TENM3: variants seen among roughly 807,000 people sequenced by gnomAD.
TENM3 encodes the protein teneurin transmembrane protein 3, also known as teneurin-3.
A neutral mutation model predicts 255.1 loss-of-function variants in TENM3; 63 were observed. That is an observed-to-expected ratio of 0.25 (90% CI 0.20 to 0.30). The LOEUF (loss-of-function observed/expected upper bound fraction) is 0.30, where lower values mean the gene tolerates loss of function less well. Ranked by LOEUF, TENM3 falls within the 10% of genes least tolerant of loss-of-function variation. The pLI is 1.00. For missense variants in TENM3, 2,929 were observed against 3,461.1 expected (o/e 0.85, Z 3.86); for synonymous variants, 1,306 against 1,322.3 (o/e 0.99, Z 0.27).
At chr4:182,009,901 G>C in the TENM3 span, among the ~76,000 whole-genome samples, 1 of 151,724 alleles carries the variant, frequency 6.6e-6, no homozygotes, top group Non-Finnish European at 1.5e-5. Flanking sequence ...AGTTTCCCCA[G>C]CTGCGTAGAG....
rs143358196 is a variant in TENM3 at position 182,576,052 on chromosome 4, A to G, written c.512-24872A>G. Reference sequence around the variant, plus strand: ...TCCACTTTAAACAAGAATGCCCTCAAGCTTACTTTAGACAATGTTAAGAAA... The same window carrying G: ...TCCACTTTAAACAAGAATGCCCTCAGGCTTACTTTAGACAATGTTAAGAAA... On this transcript the variant is annotated intron_variant, in intron 3 of 27. Coordinates refer to ENST00000511685, the MANE Select transcript of TENM3 (RefSeq NM_001080477.4). Among the ~76,000 whole-genome samples the G allele has an allele frequency of 1.3e-3, 201 of 152,326 alleles. 2 individuals carry two copies. The highest frequency in any genetic ancestry group is 0.01 in the Middle Eastern group (3 of 294).
At chr4:181,888,619 GAA>G in the TENM3 span, among the ~76,000 whole-genome samples, 31 of 28,304 alleles carry the variant, frequency 1.1e-3, 1 homozygote, top group East Asian at 2.3e-3. Flanking sequence ...TGTGTGTGTG[GAA>G]AGAGAGAGAG....
the TENM3 span, among the ~76,000 whole-genome samples, chr4:182,006,547 G>A: frequency 6.6e-6 from 1 of 152,020 alleles, no homozygotes; most frequent in Non-Finnish European, 1.5e-5. Context: ...ATGGTAGTTT[G>A]TATTTCTGTG....
At chr4:182,143,346 T>TACCCC, upstream of TENM3, 1 of 166,908 alleles carries the variant, frequency 6.0e-6, no homozygotes, top group Middle Eastern at 3.4e-3. This position sits in a 1 kb window ranked among gnomAD's most constrained non-coding sequence, Gnocchi z 4.3. Context: ...TGTCCAAAGG[T>TACCCC]CATTTGCGCT....
intron 2 of TENM3, among the ~76,000 whole-genome samples, chr4:182,327,507 C>G (rs1302297845): frequency 2.6e-5 from 3 of 116,826 alleles, no homozygotes; most frequent in Non-Finnish European, 6.1e-5. Flanking sequence ...GTCTAATTAT[C>G]AAACTTGAAT....
At chr4:181,834,987 T>C in the TENM3 span, 1 of 152,126 alleles carries the variant, frequency 6.6e-6, no homozygotes, top group Non-Finnish European at 1.5e-5. Context: ...GCATTCTGCC[T>C]CAGGAAGGAC....
chr4:182,494,063 T>C (rs1323240317), intron 3 of TENM3, among the ~76,000 whole-genome samples: 1 of 152,192 alleles, frequency 6.6e-6, no homozygotes, highest in Non-Finnish European at 1.5e-5. Context: ...TTCTGCTGAT[T>C]TGCAGATGGG....
At chr4:182,104,982 C>T in the TENM3 span, among the ~76,000 whole-genome samples, 1 of 152,088 alleles carries the variant, frequency 6.6e-6, no homozygotes, top group African/African-American at 2.4e-5. Context: ...AAGGTGGAGA[C>T]AGGAGAATCA....
intron 3 of TENM3, among the ~76,000 whole-genome samples, chr4:182,544,926 A>C (rs2151905410): frequency 6.6e-6 from 1 of 152,322 alleles, no homozygotes; most frequent in Middle Eastern, 3.4e-3. Flanking sequence ...TACCTGAACA[A>C]GAGTTAGGGT....
chr4:181,570,655 A>AAAGC, the TENM3 span, among the ~76,000 whole-genome samples: 54,368 of 150,196 alleles, frequency 0.36, 9,906 homozygotes, highest in Middle Eastern at 0.47. Context: ...AGAAAGAAGG[A>AAAGC]AAGCAAGCAA....
the TENM3 span, among the ~76,000 whole-genome samples, chr4:181,512,114 A>G: frequency 6.6e-6 from 1 of 152,272 alleles, no homozygotes; most frequent in South Asian, 2.1e-4. Flanking sequence ...CATGAGGTCA[A>G]CATCCCAGAT....
At chr4:182,505,125 C>T (rs1279837744) in intron 3 of TENM3, among the ~76,000 whole-genome samples, 1 of 152,140 alleles carries the variant, frequency 6.6e-6, no homozygotes, top group African/African-American at 2.4e-5. Context: ...CTTTGAAACT[C>T]CTCCTGTAGA....
chr4:182,392,689 C>T (rs923828062), intron 3 of TENM3, among the ~76,000 whole-genome samples: 1 of 147,934 alleles, frequency 6.8e-6, no homozygotes, highest in Non-Finnish European at 1.5e-5. Flanking sequence ...GGGGTGGAAA[C>T]AGAGAAGGAG....
intron 12 of TENM3, among the ~76,000 whole-genome samples, chr4:182,699,579 T>A (rs1199589012): frequency 1.3e-5 from 2 of 152,188 alleles, no homozygotes; most frequent in Non-Finnish European, 2.9e-5. Flanking sequence ...GGCCAGAAAT[T>A]TAAAATATGA....
At chr4:181,769,987 A>G in the TENM3 span, among the ~76,000 whole-genome samples, 1 of 152,078 alleles carries the variant, frequency 6.6e-6, no homozygotes, top group Non-Finnish European at 1.5e-5. Flanking sequence ...AAAATAAAAT[A>G]CAGTTGTATT....
intron 3 of TENM3, among the ~76,000 whole-genome samples, chr4:182,353,350 C>T (rs866005194): frequency 6.6e-6 from 1 of 152,120 alleles, no homozygotes; most frequent in East Asian, 1.9e-4. Flanking sequence ...ACTGTGGGCC[C>T]TCTTCCGGCA....
chr4:182,537,404 C>T (rs1214309401), intron 3 of TENM3, among the ~76,000 whole-genome samples: 1 of 152,200 alleles, frequency 6.6e-6, no homozygotes, highest in Admixed American at 6.5e-5. Context: ...CTTCTAATTA[C>T]GTACTTCGAG....
At chr4:181,628,551 T>G in the TENM3 span, among the ~76,000 whole-genome samples, 1 of 152,242 alleles carries the variant, frequency 6.6e-6, no homozygotes, top group South Asian at 2.1e-4. Flanking sequence ...TTTCTACATA[T>G]GGCTAGCCAG....
chr4:182,202,253 A>C (rs1382544120), intron 1 of TENM3, among the ~76,000 whole-genome samples: 1 of 151,286 alleles, frequency 6.6e-6, no homozygotes, highest in African/African-American at 2.4e-5. Flanking sequence ...AAGTTCCTGA[A>C]GTTCCTGGTG....
Sources: gnomAD v4.1 joint callset for allele counts (sites outside exome capture counted in the v4.1 genomes callset) on GRCh38, gnomAD v4.1.1 for gene constraint, Gnocchi (gnomAD v3.1) non-coding constraint, MANE v1.5 for transcripts, NCBI Gene and HGNC (gene_info 2026-07-23, HGNC 2026-07-21) for gene names.